Variants in LGR6 observed in about 807,000 individuals in gnomAD.
The protein encoded by LGR6 is leucine-rich repeat-containing G protein-coupled receptor 6.
A neutral mutation model predicts 69.4 loss-of-function variants in LGR6; 45 were observed. The ratio of observed to expected loss-of-function variants is 0.65; its 90% CI spans 0.51 to 0.83. LGR6 has a LOEUF of 0.83. Among genes scored for constraint, LGR6 ranks in the 40% least tolerant of loss-of-function variants. LGR6 has a pLI of 0.00. For missense variants in LGR6, 1,108 were observed against 1,246.7 expected (o/e 0.89, Z 1.68); for synonymous variants, 538 against 555.0 (o/e 0.97, Z 0.43).
chr1:202,206,889 TTTTATTTATTTATTTATTTA>T (rs139647235), intron 1 of LGR6, among the ~76,000 whole-genome samples: 30,920 of 141,262 alleles, frequency 0.22, 3,905 homozygotes, highest in East Asian at 0.37. Flanking sequence ...CTGCAAATTA[TTTTATTTATTTATTTATTTA>T]TTTATTTATT....
At chr1:202,274,764 G>A (rs182173798) in intron 4 of LGR6, among the ~76,000 whole-genome samples, 18 of 152,166 alleles carry the variant, frequency 1.2e-4, no homozygotes, top group Non-Finnish European at 2.1e-4. Flanking sequence ...AGGGTGTGAC[G>A]GCCACCACTG....
At chr1:202,263,273 C>G (rs879519629) in intron 4 of LGR6, among the ~76,000 whole-genome samples, 5 of 152,022 alleles carry the variant, frequency 3.3e-5, no homozygotes, top group Admixed American at 6.5e-5. Context: ...CAGGCTCATA[C>G]CCCAATGCCC....
chr1:202,276,155 G>A (rs998269141), intron 4 of LGR6, 151 bp from the exon 5 acceptor site: 6 of 619,930 alleles, frequency 9.7e-6, no homozygotes, highest in Non-Finnish European at 1.7e-5. Flanking sequence ...ACTCGAAGAG[G>A]CGGGATACAG....
Position 202,235,835 on chromosome 1 carries a change from G to A in LGR6, c.357-87G>A, listed in dbSNP as rs541347963. The A allele has an allele frequency of 9.9e-5, 112 of 1,129,822 alleles. 1 individual carries two copies. The South Asian group carries it at 1.4e-3, about 14-fold the overall frequency. 70.0% of individuals were successfully genotyped at this position (1,129,822 alleles called of 1,614,324 possible). ...GGTGAGAAGGAGGGGTCTGGCTTGG[G>A]ACTGGGGGTTCAAGGGAGGAGTCAG... On this transcript the variant is annotated intron_variant, in intron 3 of 17. Coordinates refer to ENST00000367278, the MANE Select transcript of LGR6 (RefSeq NM_001017403.2).
At chr1:202,258,185 C>T (rs868831691) in intron 4 of LGR6, among the ~76,000 whole-genome samples, 6 of 151,948 alleles carry the variant, frequency 3.9e-5, no homozygotes, top group African/African-American at 9.7e-5. Flanking sequence ...TTGCTGTACT[C>T]ATTTACTAGA....
At position 202,268,139 on chromosome 1, in the gene LGR6, G is replaced by A. The variant is rs1196538771; in HGVS notation, c.429-8167G>A. Among the ~76,000 whole-genome samples the A allele has an allele frequency of 2.0e-5, 3 of 152,204 alleles. No individual in the cohort carries two copies. Among genetic ancestry groups the A allele is most frequent in the African/African-American group, 4.8e-5 (2 of 41,448 alleles). ...TACAGATTCTGTGTGTTCCCCAGTC[G>A]AGCAAGCCCTCCTGCCAAGCAGGGC... is the stretch of plus-strand genomic sequence containing the variant. On this transcript the variant is annotated intron_variant, in intron 4 of 17. Coordinates refer to ENST00000367278, the MANE Select transcript of LGR6 (RefSeq NM_001017403.2). This position sits in a 1 kb window ranked among gnomAD's most constrained non-coding sequence, Gnocchi z 4.4.
rs370092675 is a variant in LGR6 at position 202,214,140 on chromosome 1, G to A, written c.213-11283G>A. ...CTGGACCGCAGAACTGGCACTCGAG[G>A]TCCCAGGGGCCGGAATGCGCTTGGA... On this transcript the variant is annotated intron_variant, in intron 1 of 17. Transcript: ENST00000367278. 1.6e-4 allele frequency: 236 copies of A among 1,487,668 alleles called. 1 individual carries two copies. Among genetic ancestry groups the A allele is most frequent in the South Asian group, 2.5e-4 (19 of 74,526 alleles). 92.2% of individuals were successfully genotyped at this position (1,487,668 alleles called of 1,614,324 possible). A position where few individuals can be genotyped will look rare whatever the true frequency, so the allele number is the denominator to read the frequency against.
chr1:202,277,546 G>C (rs1336842910), intron 5 of LGR6, among the ~76,000 whole-genome samples: 1 of 152,040 alleles, frequency 6.6e-6, no homozygotes, highest in Admixed American at 6.5e-5. Context: ...GAGAGGGTGG[G>C]GTCAGGCCTC....
At chr1:202,317,880 G>A in intron 17 of LGR6, 72 bp from the exon 18 acceptor site, 3 of 1,403,772 alleles carry the variant, frequency 2.1e-6, no homozygotes, top group African/African-American at 1.4e-5. Flanking sequence ...TGAATACAGA[G>A]GCTGACCTTG....
chr1:202,205,007 C>A (rs143747075), intron 1 of LGR6, among the ~76,000 whole-genome samples: 1 of 9,160 alleles, frequency 1.1e-4, no homozygotes. Flanking sequence ...CACACACCTC[C>A]AAACACACAC....
At chr1:202,301,120 A>G (rs756926299) in intron 8 of LGR6, 44 bp from the exon 9 acceptor site, 4 of 1,562,190 alleles carry the variant, frequency 2.6e-6, no homozygotes, top group Admixed American at 1.7e-5. Flanking sequence ...CCCAGCAGAA[A>G]GGCCTGAAAA....
rs138902385 is a variant in LGR6, at chr1:202,318,888, G to A, written c.2585G>A (p.Ser862Asn). Residue 862 changes from serine (S) to asparagine (N), a missense_variant, in exon 18 of 18, where the codon AGC becomes AAC. Ser to Asn is a conservative substitution (Grantham distance 46). Transcript: ENST00000367278. ...GCTGCGGCCGGGGAGCTGGAGAAGA[G>A]CTCCTGTGATTCTACCCAGGCCCTG... ...AYAAAGELEK[S>N]SCDSTQALVA... is the part of the protein sequence containing the mutation. The A allele has an allele frequency of 3.1e-6, 5 of 1,614,060 alleles. No individual in the cohort carries two copies. In the Middle Eastern group the frequency reaches 6.6e-4, roughly 213 times the overall value.
At chr1:202,205,467 C>CACACCTCCACACACACACACACCTA (rs1659163087) in intron 1 of LGR6, among the ~76,000 whole-genome samples, 1 of 19,336 alleles carries the variant, frequency 5.2e-5, no homozygotes, top group Non-Finnish European at 1.3e-4. Flanking sequence ...CCTCCAAACA[C>CACACCTCCACACACACACACACCTA]ACACACACCT....
intron 1 of LGR6, among the ~76,000 whole-genome samples, chr1:202,215,563 G>C (rs909271079): frequency 1.5e-4 from 23 of 152,168 alleles, no homozygotes; most frequent in Non-Finnish European, 2.1e-4. Flanking sequence ...TGAGTCAGGG[G>C]AGACCAGGCT....
At chr1:202,281,284 G>A (rs566577643) in intron 6 of LGR6, among the ~76,000 whole-genome samples, 9 of 152,202 alleles carry the variant, frequency 5.9e-5, no homozygotes, top group Non-Finnish European at 8.8e-5. Flanking sequence ...AGAAGGAAGA[G>A]TAATACTGCA....
rs183020090 is a variant in LGR6, at chr1:202,196,544, C to T, written c.212+2343C>T. ...CACTCAAACTTTGGTTCCTTCCTAG[C>T]TCTGCCACCTACTGAGAATCACTCA... On this transcript the variant is annotated intron_variant, in intron 1 of 17. Transcript: ENST00000367278. 3.2e-3 allele frequency among the ~76,000 whole-genome samples: 480 copies of T among 152,332 alleles called. 2 individuals are homozygous for T. Among genetic ancestry groups the T allele is most frequent in the African/African-American group, 0.011 (447 of 41,560 alleles).
intron 6 of LGR6, among the ~76,000 whole-genome samples, chr1:202,297,182 C>T (rs763951921): frequency 2.0e-5 from 3 of 152,162 alleles, no homozygotes; most frequent in African/African-American, 4.8e-5. Context: ...TTCCTCCACT[C>T]CTCTGATGTC....
At chr1:202,238,412 CT>C (rs60376943) in intron 4 of LGR6, among the ~76,000 whole-genome samples, 1,110 of 83,954 alleles carry the variant, frequency 0.013, 33 homozygotes, top group East Asian at 0.055. Flanking sequence ...CAGCCTGATC[CT>C]TTTTTTTTTT....
intron 5 of LGR6, among the ~76,000 whole-genome samples, chr1:202,278,177 C>A (rs181347457): frequency 8.2e-4 from 125 of 152,204 alleles, no homozygotes; most frequent in Middle Eastern, 3.4e-3. Context: ...CCGAGGCAGA[C>A]TGGAGACAGG....
Sources: allele counts gnomAD v4.1 joint callset (sites outside exome capture counted in the v4.1 genomes callset), GRCh38; gene constraint gnomAD v4.1.1; non-coding constraint Gnocchi (gnomAD v3.1); transcripts MANE v1.5; gene names NCBI Gene and HGNC (gene_info 2026-07-23, HGNC 2026-07-21).